The following FSTL4 variants were observed in gnomAD, a reference collection of about 807,000 sequenced individuals.
FSTL4 encodes follistatin-related protein 4.
A neutral mutation model predicts 78.2 loss-of-function variants in FSTL4; 28 were observed. The observed-to-expected ratio is 0.36, with a 90% CI of 0.27 to 0.49. The LOEUF (loss-of-function observed/expected upper bound fraction) is 0.49, where lower values mean the gene tolerates loss of function less well. Among genes scored for constraint, FSTL4 ranks in the 20% least tolerant of loss-of-function variants. The pLI, the probability that FSTL4 is intolerant of heterozygous loss-of-function variation, is 0.98. For synonymous variants in FSTL4, 422 were observed against 440.5 expected (o/e 0.96, Z 0.53); for missense variants, 922 against 1,084.9 (o/e 0.85, Z 2.11).
At position 133,576,460 on chromosome 5, in the gene FSTL4, C is replaced by T. The variant is rs868054542; in HGVS notation, c.127-9241G>A. 1.6e-4 allele frequency among the ~76,000 whole-genome samples: 24 copies of T among 152,262 alleles called. 1 individual carries two copies. In the Middle Eastern group the frequency reaches 0.027, roughly 173 times the overall value. ...CAACCACACTGAGAAGAGAATGCAA[C>T]GAAAAAGTAAATGGAGTGGAGCTCC... On this transcript the variant is annotated intron_variant, in intron 2 of 15. Transcript: ENST00000265342.
intron 2 of FSTL4, among the ~76,000 whole-genome samples, chr5:133,592,616 G>A (rs1760655468): frequency 6.6e-6 from 1 of 152,176 alleles, no homozygotes; most frequent in African/African-American, 2.4e-5. Context: ...TAATGGAGGT[G>A]TCTGAGTCAT....
the FSTL4 span, among the ~76,000 whole-genome samples, chr5:133,825,019 A>ATCTTG: frequency 6.6e-6 from 1 of 152,158 alleles, no homozygotes. Flanking sequence ...ATTCATTACA[A>ATCTTG]CCACAGGGCA....
intron 3 of FSTL4, among the ~76,000 whole-genome samples, chr5:133,483,921 G>C (rs1758079382): frequency 6.6e-6 from 1 of 152,152 alleles, no homozygotes; most frequent in Non-Finnish European, 1.5e-5. Context: ...GCTCCTCCCT[G>C]CAGCCTGCCA....
In FSTL4 at chr5:133,579,214, C is replaced by T. The variant is rs147034047; in HGVS notation, c.127-11995G>A. 5.1e-3 allele frequency among the ~76,000 whole-genome samples: 781 copies of T among 152,318 alleles called. 4 individuals are homozygous for T. The highest frequency in any genetic ancestry group is 0.017 in the African/African-American group (693 of 41,570). On this transcript the variant is annotated intron_variant, in intron 2 of 15. Transcript: ENST00000265342. ...TCCTTCATGTCTTACTGCAGCACAGCGCCTGGCGTAGCGTAGGCCCTAAAC... is the reference window on the plus strand; with the variant it reads ...TCCTTCATGTCTTACTGCAGCACAGTGCCTGGCGTAGCGTAGGCCCTAAAC...
intron 3 of FSTL4, among the ~76,000 whole-genome samples, chr5:133,508,968 TCCTTGTTTCTCAAGGAAGGAAAGCATA>T (rs1758669656): frequency 6.6e-6 from 1 of 152,108 alleles, no homozygotes. Context: ...TTGTAATCCT[TCCTTGTTTCTCAAGGAAGGAAAGCATA>T]CCTCTAGAAG....
At chr5:133,753,907 G>T in the FSTL4 span, among the ~76,000 whole-genome samples, 577 of 152,250 alleles carry the variant, frequency 3.8e-3, 4 homozygotes, top group African/African-American at 0.013. Flanking sequence ...TCCCAGTTAT[G>T]CCCCTTAACT....
chr5:133,602,393 A>T (rs571705323), intron 2 of FSTL4, among the ~76,000 whole-genome samples: 2 of 152,190 alleles, frequency 1.3e-5, no homozygotes, highest in African/African-American at 4.8e-5. Context: ...ATATTAACTT[A>T]CCTTCAATTT....
the FSTL4 span, among the ~76,000 whole-genome samples, chr5:133,676,872 TC>T: frequency 6.6e-6 from 1 of 152,212 alleles, no homozygotes; most frequent in Non-Finnish European, 1.5e-5. Context: ...TTCTGTTGAG[TC>T]TTTTGATGTT....
chr5:133,318,133 T>C (rs886343943), intron 4 of FSTL4, among the ~76,000 whole-genome samples: 1 of 152,170 alleles, frequency 6.6e-6, no homozygotes, highest in African/African-American at 2.4e-5. Context: ...TAGAAAAAAA[T>C]CAATTGTTGT....
intron 3 of FSTL4, among the ~76,000 whole-genome samples, chr5:133,406,804 T>C (rs1376141719): frequency 6.6e-6 from 1 of 152,166 alleles, no homozygotes; most frequent in Admixed American, 6.5e-5. Context: ...CTCTATTAAG[T>C]AGACACAGAG....
chr5:133,207,772 C>G (rs754553186), intron 14 of FSTL4: 2 of 152,156 alleles, frequency 1.3e-5, no homozygotes, highest in African/African-American at 2.4e-5. Flanking sequence ...CTCAGCCTAT[C>G]AAGTAGCTAG....
chr5:133,745,610 A>G, the FSTL4 span, among the ~76,000 whole-genome samples: 14 of 152,250 alleles, frequency 9.2e-5, no homozygotes, highest in Admixed American at 2.0e-4. Flanking sequence ...GTGGAATTAT[A>G]CAGGGATTCC....
the FSTL4 span, among the ~76,000 whole-genome samples, chr5:133,740,475 G>T: frequency 2.0e-5 from 3 of 152,058 alleles, no homozygotes; most frequent in Non-Finnish European, 4.4e-5. Context: ...ACTCCTCACC[G>T]CAGGCCACGT....
chr5:133,430,242 T>C (rs948333697), intron 3 of FSTL4, among the ~76,000 whole-genome samples: 3 of 152,254 alleles, frequency 2.0e-5, no homozygotes, highest in Admixed American at 2.0e-4. Context: ...TTGTTTCACC[T>C]GCTGTTCATG....
intron 6 of FSTL4, among the ~76,000 whole-genome samples, chr5:133,310,779 T>G (rs1351874202): frequency 6.6e-6 from 1 of 152,216 alleles, no homozygotes; most frequent in Non-Finnish European, 1.5e-5. Flanking sequence ...AGAGTGTTTT[T>G]GGGAATGTCT....
chr5:133,722,370 G>A, the FSTL4 span, among the ~76,000 whole-genome samples: 12 of 152,090 alleles, frequency 7.9e-5, no homozygotes. Flanking sequence ...GTGTCAAAAA[G>A]GTTGGGGACC....
chr5:133,809,240 G>A, the FSTL4 span, among the ~76,000 whole-genome samples: 3 of 151,798 alleles, frequency 2.0e-5, no homozygotes, highest in Non-Finnish European at 4.4e-5. Context: ...GGTGGTGCAT[G>A]CCTATAATCC....
chr5:133,628,154 GA>G, the FSTL4 span, among the ~76,000 whole-genome samples: 1 of 152,114 alleles, frequency 6.6e-6, no homozygotes, highest in Non-Finnish European at 1.5e-5. Context: ...GCCCACAGGA[GA>G]AAACAGGAAA....
At chr5:133,486,984 C>T (rs1758151264) in intron 3 of FSTL4, among the ~76,000 whole-genome samples, 1 of 152,178 alleles carries the variant, frequency 6.6e-6, no homozygotes, top group South Asian at 2.1e-4. Context: ...CTGACCCTGG[C>T]TTCTGAGAAC....
Sources: allele counts gnomAD v4.1 joint callset (sites outside exome capture counted in the v4.1 genomes callset), GRCh38; gene constraint gnomAD v4.1.1; transcripts MANE v1.5; gene names NCBI Gene and HGNC (gene_info 2026-07-23, HGNC 2026-07-21).